Variants in EPB41L2 observed in about 807,000 individuals in gnomAD.
EPB41L2 encodes erythrocyte membrane protein band 4.1 like 2.
EPB41L2 carries 43 observed loss-of-function variants against 113.0 expected under a neutral mutation model. The observed-to-expected ratio is 0.38, with a 90% CI of 0.30 to 0.49. The LOEUF is 0.49. Ranked by LOEUF, EPB41L2 falls within the 20% of genes least tolerant of loss-of-function variation. EPB41L2 has a pLI of 0.95. For synonymous variants in EPB41L2, 442 were observed against 436.7 expected (o/e 1.01, Z -0.15); for missense variants, 1,147 against 1,223.4 (o/e 0.94, Z 0.93).
intron 1 of EPB41L2, among the ~76,000 whole-genome samples, chr6:131,001,807 CT>C (rs1347966587): frequency 1.2e-4 from 19 of 152,134 alleles, no homozygotes; most frequent in African/African-American, 4.3e-4. Context: ...TCTCCTTAGA[CT>C]TTCAAAACTA....
chr6:130,862,832 T>C (rs930472363), intron 18 of EPB41L2, among the ~76,000 whole-genome samples: 1 of 152,206 alleles, frequency 6.6e-6, no homozygotes, highest in Admixed American at 6.5e-5. Context: ...AGCTCAGTAT[T>C]GTGTCCAAAG....
At chr6:130,872,514 T>C in intron 14 of EPB41L2, 1 of 1,289,266 alleles carries the variant, frequency 7.8e-7, no homozygotes, top group Non-Finnish European at 1.0e-6. Context: ...CTAAACAAAA[T>C]TGATGTTATC....
intron 3 of EPB41L2, among the ~76,000 whole-genome samples, chr6:130,927,477 G>A (rs905488575): frequency 1.3e-5 from 2 of 152,038 alleles, no homozygotes; most frequent in African/African-American, 4.8e-5. Context: ...CACACCCCTG[G>A]AACAACCCAA....
At chr6:130,926,115 T>G (rs1284824171) in intron 4 of EPB41L2, among the ~76,000 whole-genome samples, 1 of 152,200 alleles carries the variant, frequency 6.6e-6, no homozygotes, top group Non-Finnish European at 1.5e-5. Context: ...TGTGACCAAG[T>G]GTTCTTGGTA....
intron 12 of EPB41L2, 166 bp from the exon 13 acceptor site, chr6:130,880,372 C>A: frequency 1.6e-6 from 1 of 619,756 alleles, no homozygotes; most frequent in Non-Finnish European, 2.9e-6. Context: ...CACAAATAAA[C>A]CCTGAGAGTG....
intron 1 of EPB41L2, among the ~76,000 whole-genome samples, chr6:131,015,621 C>A (rs1217961318): frequency 6.6e-6 from 1 of 152,152 alleles, no homozygotes; most frequent in East Asian, 1.9e-4. Flanking sequence ...CCTATTAGAA[C>A]ACTCATCTTA....
At chr6:131,053,433 A>G (rs1796976509) in intron 1 of EPB41L2, among the ~76,000 whole-genome samples, 1 of 52,814 alleles carries the variant, frequency 1.9e-5, no homozygotes, top group Non-Finnish European at 4.0e-5. Context: ...CATGGAAATG[A>G]TAAAAAAAAA....
chr6:130,940,048 A>G (rs1376728106), intron 3 of EPB41L2, among the ~76,000 whole-genome samples: 1 of 152,234 alleles, frequency 6.6e-6, no homozygotes, highest in Non-Finnish European at 1.5e-5. Flanking sequence ...CAAAATTAGG[A>G]TAAGCAGACT....
intron 1 of EPB41L2, among the ~76,000 whole-genome samples, chr6:131,058,764 C>A (rs1050257227): frequency 2.6e-5 from 4 of 152,082 alleles, no homozygotes. Flanking sequence ...ACCTGTAATC[C>A]CAACACTTTG....
intron 1 of EPB41L2, among the ~76,000 whole-genome samples, chr6:131,032,670 A>G (rs567656994): frequency 1.3e-5 from 2 of 152,298 alleles, no homozygotes; most frequent in South Asian, 4.1e-4. Flanking sequence ...CAAGTCACAA[A>G]AGAATTATTA....
At chr6:130,902,363 C>T (rs752007948) in intron 6 of EPB41L2, among the ~76,000 whole-genome samples, 7 of 152,174 alleles carry the variant, frequency 4.6e-5, no homozygotes, top group Non-Finnish European at 7.3e-5. Context: ...CAGTTCAGAA[C>T]CTGGATTACC....
intron 3 of EPB41L2, among the ~76,000 whole-genome samples, chr6:130,954,868 T>G (rs762265977): frequency 3.3e-5 from 5 of 152,178 alleles, no homozygotes; most frequent in Non-Finnish European, 7.3e-5. Flanking sequence ...TAACACCCAG[T>G]CATTAACACA....
At chr6:130,873,013 C>A (rs150187413) in intron 14 of EPB41L2, among the ~76,000 whole-genome samples, 1 of 152,042 alleles carries the variant, frequency 6.6e-6, no homozygotes, top group Non-Finnish European at 1.5e-5. Context: ...TCCCTGAGGC[C>A]CACTTCATAG....
At chr6:131,044,022 T>C (rs868609829) in intron 1 of EPB41L2, among the ~76,000 whole-genome samples, 3,251 of 136,862 alleles carry the variant, frequency 0.024, 98 homozygotes, top group African/African-American at 0.082. Flanking sequence ...AATAATGCTT[T>C]TTTTTTTTTT....
intron 1 of EPB41L2, among the ~76,000 whole-genome samples, chr6:131,061,007 CATGCAACGTAGAT>C (rs1483301130): frequency 6.6e-6 from 1 of 152,108 alleles, no homozygotes; most frequent in African/African-American, 2.4e-5. Context: ...TAAGGATCAC[CATGCAACGTAGAT>C]ATATGAAGAG....
At chr6:130,905,997 A>G (rs1214186233) in intron 5 of EPB41L2, among the ~76,000 whole-genome samples, 1 of 152,212 alleles carries the variant, frequency 6.6e-6, no homozygotes, top group Admixed American at 6.5e-5. Context: ...TCTGCTTTAC[A>G]CATTTAAAAC....
chr6:131,008,026 T>C (rs893503525), intron 1 of EPB41L2, among the ~76,000 whole-genome samples: 1 of 152,238 alleles, frequency 6.6e-6, no homozygotes, highest in Non-Finnish European at 1.5e-5. Flanking sequence ...CTGCAGAAAT[T>C]TGCATGAGCA....
intron 1 of EPB41L2, among the ~76,000 whole-genome samples, chr6:131,019,756 A>AT (rs1167886217): frequency 6.6e-6 from 1 of 151,744 alleles, no homozygotes; most frequent in Non-Finnish European, 1.5e-5. Context: ...TGTATAATAG[A>AT]TTTTTTTTCT....
intron 11 of EPB41L2, 44 bp from the exon 12 acceptor site, chr6:130,885,312 TCATAAA>T (rs1424511804): frequency 3.8e-6 from 6 of 1,598,624 alleles, no homozygotes; most frequent in Non-Finnish European, 5.1e-6. Flanking sequence ...GACATATGAA[TCATAAA>T]CTTTATGGAA....
Sources: allele counts gnomAD v4.1 joint callset (sites outside exome capture counted in the v4.1 genomes callset), GRCh38; gene constraint gnomAD v4.1.1; transcripts MANE v1.5; gene names NCBI Gene and HGNC (gene_info 2026-07-23, HGNC 2026-07-21).